ITFG1: variants seen among roughly 807,000 people sequenced by gnomAD.
ITFG1 encodes T-cell immunomodulatory protein.
Under a neutral mutation model 81.8 loss-of-function variants are expected in ITFG1, and 34 were observed. That is an observed-to-expected ratio of 0.42 (90% confidence interval 0.32 to 0.55). The LOEUF is 0.55. Ranked by LOEUF, ITFG1 falls within the 20% of genes least tolerant of loss-of-function variation. The probability of loss-of-function intolerance (pLI) is 0.17; values close to 1 mark genes in which losing one functional copy is unlikely to be tolerated. For missense variants in ITFG1, 672 were observed against 755.4 expected (o/e 0.89, Z 1.29); for synonymous variants, 285 against 270.6 (o/e 1.05, Z -0.52).
intron 14 of ITFG1, among the ~76,000 whole-genome samples, chr16:47,166,616 T>C (rs577418401): frequency 6.6e-6 from 1 of 152,324 alleles, no homozygotes; most frequent in South Asian, 2.1e-4. Context: ...TTATGTATAC[T>C]TCTAAAATTA....
At chr16:47,458,368 A>C (rs1015790654) in intron 2 of ITFG1, among the ~76,000 whole-genome samples, 1 of 152,172 alleles carries the variant, frequency 6.6e-6, no homozygotes, top group African/African-American at 2.4e-5. Flanking sequence ...TGAACTTCCA[A>C]GTTGAACGTC....
At chr16:47,326,522 G>C (rs999638879) in intron 8 of ITFG1, among the ~76,000 whole-genome samples, 6 of 152,172 alleles carry the variant, frequency 3.9e-5, no homozygotes, top group African/African-American at 1.4e-4. Flanking sequence ...TAGGAAAAGA[G>C]GAAGTCAAAT....
At chr16:47,362,830 A>AT (rs993863442) in intron 8 of ITFG1, among the ~76,000 whole-genome samples, 41 of 151,998 alleles carry the variant, frequency 2.7e-4, no homozygotes, top group Admixed American at 6.5e-4. Flanking sequence ...TTACTCTTGT[A>AT]TTTTTTTTAA....
At chr16:47,331,722 T>G (rs1408256675) in intron 8 of ITFG1, among the ~76,000 whole-genome samples, 4 of 152,130 alleles carry the variant, frequency 2.6e-5, no homozygotes, top group Non-Finnish European at 5.9e-5. Context: ...TAGACTAACT[T>G]GAAATAGCCT....
chr16:47,200,950 T>C (rs1180085186), intron 14 of ITFG1, among the ~76,000 whole-genome samples: 1 of 152,216 alleles, frequency 6.6e-6, no homozygotes, highest in East Asian at 1.9e-4. Context: ...ATTTACTAAA[T>C]TCCTGGCTCA....
intron 12 of ITFG1, among the ~76,000 whole-genome samples, chr16:47,255,566 C>A (rs1432981683): frequency 6.6e-6 from 1 of 152,182 alleles, no homozygotes; most frequent in African/African-American, 2.4e-5. Flanking sequence ...ACAGATGAGT[C>A]AGAGGCATCA....
At chr16:47,175,345 C>CATAAATTATTTAATAATTTAAAT in intron 14 of ITFG1, among the ~76,000 whole-genome samples, 1 of 150,004 alleles carries the variant, frequency 6.7e-6, no homozygotes, top group East Asian at 1.9e-4. Context: ...TATATTAATA[C>CATAAATTATTTAATAATTTAAAT]ATAAATTATT....
At position 47,448,415 on chromosome 16, in the gene ITFG1, C is replaced by T. The variant is rs1370953473; in HGVS notation, c.560+2981G>A. 3.3e-5 allele frequency: 5 copies of T among 152,190 alleles called. No individual in the cohort carries two copies. In the East Asian group the frequency reaches 9.7e-4, roughly 29 times the overall value. 9.4% of individuals were successfully genotyped at this position (152,190 alleles called of 1,614,324 possible). A position where few individuals can be genotyped will look rare whatever the true frequency, so the allele number is the denominator to read the frequency against. On this transcript the variant is annotated intron_variant, in intron 5 of 17. Transcript: ENST00000320640. ...TTTGATAATGGAGGGGCAAAATCTA[C>T]CCACACAACAGTTAAAAATGATTGC...
intron 5 of ITFG1, among the ~76,000 whole-genome samples, chr16:47,450,783 G>C (rs944566297): frequency 5.9e-5 from 9 of 152,128 alleles, no homozygotes; most frequent in African/African-American, 2.2e-4. Flanking sequence ...CTTGCTATCA[G>C]GAATTCTTGT....
chr16:47,257,814 G>A lies in ITFG1; in HGVS notation c.1330+818C>T, dbSNP rs564838052. On this transcript the variant is annotated intron_variant, in intron 12 of 17. Transcript: ENST00000320640. ...CGAGCACACTGGGCAACCATTTCAG[G>A]ATGTGGTTTTGAAATACTGTTCTCT... Among the ~76,000 whole-genome samples, 123 of 152,306 alleles carry A rather than the reference G, an allele frequency of 8.1e-4. 1 individual carries two copies. The highest frequency in any genetic ancestry group is 2.8e-3 in the African/African-American group (116 of 41,562).
At chr16:47,446,223 C>A (rs1223553770) in intron 5 of ITFG1, among the ~76,000 whole-genome samples, 1 of 152,128 alleles carries the variant, frequency 6.6e-6, no homozygotes. Context: ...CCGTGGTGTG[C>A]CTCCCCAGCA....
At chr16:47,326,621 CAA>C (rs1309645548) in intron 8 of ITFG1, among the ~76,000 whole-genome samples, 1 of 152,162 alleles carries the variant, frequency 6.6e-6, no homozygotes, top group African/African-American at 2.4e-5. Flanking sequence ...GCAACTTCAG[CAA>C]AGTCTCAGGA....
At chr16:47,174,872 A>C (rs1263757884) in intron 14 of ITFG1, among the ~76,000 whole-genome samples, 3 of 152,230 alleles carry the variant, frequency 2.0e-5, no homozygotes, top group Non-Finnish European at 4.4e-5. Context: ...TAATACCTAC[A>C]ACTCTACTGG....
chr16:47,167,549 C>G (rs1464784472), intron 14 of ITFG1, among the ~76,000 whole-genome samples: 2 of 152,046 alleles, frequency 1.3e-5, no homozygotes, highest in East Asian at 3.9e-4. Context: ...CCTTGCGACC[C>G]CCACTCCTGC....
intron 14 of ITFG1, among the ~76,000 whole-genome samples, chr16:47,203,029 G>C (rs1965445987): frequency 6.6e-6 from 1 of 152,104 alleles, no homozygotes; most frequent in Non-Finnish European, 1.5e-5. Context: ...AAAGCAGGGT[G>C]TCCAAGTGAT....
rs1966402125 is a variant in ITFG1 at position 47,276,730 on chromosome 16, G to A, written c.1071-16035C>T. On this transcript the variant is annotated intron_variant, in intron 10 of 17. Transcript: ENST00000320640. ...ACAGAAATAGGACCACACACACAGAGAAACTGGATACACACAAACGTGGCA... is the reference window on the plus strand; with the variant it reads ...ACAGAAATAGGACCACACACACAGAAAAACTGGATACACACAAACGTGGCA... 2.0e-5 allele frequency among the ~76,000 whole-genome samples: 3 copies of A among 152,090 alleles called. 1 individual carries two copies. The highest frequency in any genetic ancestry group is 7.2e-5 in the African/African-American group (3 of 41,418).
chr16:47,365,526 CAGT>C (rs1414080243), intron 8 of ITFG1: 2 of 342,826 alleles, frequency 5.8e-6, no homozygotes, highest in Non-Finnish European at 1.1e-5. Flanking sequence ...GAAAAAGTCT[CAGT>C]AGTTTTCTTG....
At chr16:47,326,737 A>C (rs1012317070) in intron 8 of ITFG1, among the ~76,000 whole-genome samples, 19 of 152,246 alleles carry the variant, frequency 1.2e-4, no homozygotes. Context: ...GCTTCAAAGA[A>C]AATAAAATAC....
At chr16:47,221,273 A>G (rs1965688017) in intron 13 of ITFG1, among the ~76,000 whole-genome samples, 2 of 152,134 alleles carry the variant, frequency 1.3e-5, no homozygotes, top group African/African-American at 2.4e-5. Context: ...TACCTAATTT[A>G]TTGAGAGTTT....
Sources: gnomAD v4.1 joint callset for allele counts (sites outside exome capture counted in the v4.1 genomes callset) on GRCh38, gnomAD v4.1.1 for gene constraint, MANE v1.5 for transcripts, NCBI Gene and HGNC (gene_info 2026-07-23, HGNC 2026-07-21) for gene names.